ADAMTS12: variants seen among roughly 807,000 people sequenced by gnomAD.
ADAMTS12 encodes A disintegrin and metalloproteinase with thrombospondin motifs 12.
A neutral mutation model predicts 167.8 loss-of-function variants in ADAMTS12; 118 were observed. The ratio of observed to expected loss-of-function variants is 0.70; its 90% CI spans 0.61 to 0.82. The LOEUF is 0.82. Ranked by LOEUF, ADAMTS12 falls within the 40% of genes least tolerant of loss-of-function variation. ADAMTS12 has a pLI of 0.00. For missense variants in ADAMTS12, 1,916 were observed against 1,998.8 expected (o/e 0.96, Z 0.79); for synonymous variants, 704 against 716.9 (o/e 0.98, Z 0.29).
intron 2 of ADAMTS12, among the ~76,000 whole-genome samples, chr5:33,810,001 AC>A: frequency 2.9e-5 from 4 of 137,838 alleles, no homozygotes; most frequent in African/African-American, 1.2e-4. Flanking sequence ...AAAAAAAAAA[AC>A]AGATTAGAAG....
At chr5:33,658,408 A>C in intron 6 of ADAMTS12, 75 bp from the exon 7 acceptor site, 1 of 1,552,748 alleles carries the variant, frequency 6.4e-7, no homozygotes, top group Admixed American at 1.8e-5. Flanking sequence ...AAATCTGGGT[A>C]TAAACTCACA....
At chr5:33,660,954 G>C (rs1185068025) in intron 6 of ADAMTS12, among the ~76,000 whole-genome samples, 1 of 152,138 alleles carries the variant, frequency 6.6e-6, no homozygotes, top group Non-Finnish European at 1.5e-5. Flanking sequence ...CTTCCTTGTA[G>C]GGATTCTATG....
At chr5:33,577,714 T>C (rs1221377853) in intron 18 of ADAMTS12, among the ~76,000 whole-genome samples, 1 of 151,896 alleles carries the variant, frequency 6.6e-6, no homozygotes, top group Non-Finnish European at 1.5e-5. Flanking sequence ...ATAATCACCA[T>C]ACTCACACAG....
chr5:33,660,662 C>A (rs1741225633), intron 6 of ADAMTS12, among the ~76,000 whole-genome samples: 1 of 152,160 alleles, frequency 6.6e-6, no homozygotes, highest in South Asian at 2.1e-4. Context: ...TTCACCTGGC[C>A]TCTTGATCAG....
In ADAMTS12 at chr5:33,764,147, G is replaced by A. The variant is rs866505958; in HGVS notation, c.490-12599C>T. On this transcript the variant is annotated intron_variant, in intron 2 of 23. Transcript: ENST00000504830. ...TGGAACTGCCTCCTCAAACACGCTC[G>A]TCTACACATACAAATGCATTTCCAG... Among the ~76,000 whole-genome samples the A allele has an allele frequency of 5.6e-4, 84 of 150,222 alleles. 1 individual carries two copies. The highest frequency in any genetic ancestry group is 1.9e-3 in the African/African-American group (76 of 40,820).
chr5:33,807,826 T>C (rs1251428897), intron 2 of ADAMTS12, among the ~76,000 whole-genome samples: 2 of 152,134 alleles, frequency 1.3e-5, no homozygotes, highest in African/African-American at 4.8e-5. Context: ...TCAAAGTTAA[T>C]AGGCAAAAAG....
At position 33,556,885 on chromosome 5, in the gene ADAMTS12, G is replaced by A. The variant is rs544014591; in HGVS notation, c.4125+4142C>T. Among the ~76,000 whole-genome samples the A allele has an allele frequency of 2.0e-5, 3 of 152,360 alleles. No homozygotes were observed. The South Asian group carries it at 6.2e-4, about 32-fold the overall frequency. The stretch of plus-strand genomic sequence containing the variant: ...ATGGGGCGGACAGTGTGAAAAAGCT[G>A]CTGATGAGAGTTGCTGCTGAATAAA... On this transcript the variant is annotated intron_variant, in intron 20 of 23. Transcript: ENST00000504830.
intron 2 of ADAMTS12, among the ~76,000 whole-genome samples, chr5:33,790,875 A>C (rs934886569): frequency 1.3e-5 from 2 of 151,720 alleles, no homozygotes; most frequent in African/African-American, 2.4e-5. Flanking sequence ...ATATGTAAGA[A>C]TACTGAATAG....
In ADAMTS12 at chr5:33,525,049, A is replaced by G. The variant is rs1487566537; in HGVS notation, c.*2139T>C. On this transcript the variant is annotated 3_prime_UTR_variant, in exon 24 of 24. Transcript: ENST00000504830. ...CATACCCAGGTCTCTGATGACACGT[A>G]TTTGACCCTATGCTAGTACAGTACC... The G allele has an allele frequency of 1.3e-5, 2 of 152,210 alleles. No individual in the cohort carries two copies. Among genetic ancestry groups the G allele is most frequent in the East Asian group, 3.9e-4 (2 of 5,180 alleles). 9.4% of individuals were successfully genotyped at this position (152,210 alleles called of 1,614,324 possible).
intron 5 of ADAMTS12, among the ~76,000 whole-genome samples, chr5:33,676,895 C>A (rs1042111879): frequency 1.3e-5 from 2 of 152,058 alleles, no homozygotes; most frequent in African/African-American, 4.8e-5. Context: ...AACACTAAAC[C>A]ACTCTCAGTA....
chr5:33,855,586 A>G (rs897079062), intron 2 of ADAMTS12, among the ~76,000 whole-genome samples: 2 of 152,218 alleles, frequency 1.3e-5, no homozygotes, highest in East Asian at 3.8e-4. Context: ...GAAACGAGTC[A>G]TGTTTGCCTT....
At chr5:33,828,293 A>G (rs1449281978) in intron 2 of ADAMTS12, among the ~76,000 whole-genome samples, 2 of 152,148 alleles carry the variant, frequency 1.3e-5, no homozygotes, top group Non-Finnish European at 2.9e-5. Flanking sequence ...GTATCACTTC[A>G]TATATTTATT....
chr5:33,532,472 ATTTTTTT>A (rs55826401), intron 23 of ADAMTS12, among the ~76,000 whole-genome samples: 18 of 139,432 alleles, frequency 1.3e-4, no homozygotes, highest in African/African-American at 4.7e-4. Context: ...TACTGTTTCT[ATTTTTTT>A]TTTTTTTTTG....
At chr5:33,712,284 C>T (rs1223901584) in intron 3 of ADAMTS12, among the ~76,000 whole-genome samples, 1 of 152,108 alleles carries the variant, frequency 6.6e-6, no homozygotes, top group African/African-American at 2.4e-5. Flanking sequence ...AAGGCAGCAT[C>T]AGGACTTCGA....
chr5:33,609,868 G>A (rs948408552), intron 16 of ADAMTS12, among the ~76,000 whole-genome samples: 2 of 152,098 alleles, frequency 1.3e-5, no homozygotes, highest in Non-Finnish European at 2.9e-5. Flanking sequence ...GTAGCCATCT[G>A]AAAAAATAAT....
At chr5:33,812,451 A>T (rs1205994849) in intron 2 of ADAMTS12, among the ~76,000 whole-genome samples, 1 of 152,232 alleles carries the variant, frequency 6.6e-6, no homozygotes, top group Non-Finnish European at 1.5e-5. Context: ...CAGAGAACAT[A>T]CCAAGTTACT....
At chr5:33,787,323 T>C (rs915326968) in intron 2 of ADAMTS12, among the ~76,000 whole-genome samples, 7 of 152,224 alleles carry the variant, frequency 4.6e-5, no homozygotes, top group Non-Finnish European at 1.0e-4. Context: ...TGGGAGAACA[T>C]GGAGCTTCAA....
At chr5:33,788,468 G>T (rs1746413222) in intron 2 of ADAMTS12, among the ~76,000 whole-genome samples, 1 of 152,246 alleles carries the variant, frequency 6.6e-6, no homozygotes. Flanking sequence ...AGGGGAGAGA[G>T]AAAAGGTAGG....
intron 16 of ADAMTS12, among the ~76,000 whole-genome samples, chr5:33,597,584 G>A (rs527938381): frequency 2.6e-5 from 4 of 152,264 alleles, no homozygotes; most frequent in East Asian, 3.9e-4. Context: ...GCATGGACTC[G>A]CTTCAGCCAA....
Sources: allele counts gnomAD v4.1 joint callset (sites outside exome capture counted in the v4.1 genomes callset), GRCh38; gene constraint gnomAD v4.1.1; transcripts MANE v1.5; gene names NCBI Gene and HGNC (gene_info 2026-07-23, HGNC 2026-07-21).